Variants in CRACR2A observed in about 807,000 individuals in gnomAD.
CRACR2A encodes EF-hand calcium-binding domain-containing protein 4B.
In CRACR2A, 79 loss-of-function variants were observed where a neutral mutation model predicts 90.5. The observed-to-expected ratio is 0.87, with a 90% CI of 0.73 to 1.05. CRACR2A has a LOEUF of 1.05. Ranked by LOEUF, CRACR2A falls within the 50% of genes least tolerant of loss-of-function variation. The pLI is 0.00. For synonymous variants in CRACR2A, 338 were observed against 356.7 expected, an observed-to-expected ratio of 0.95 and a Z score of 0.59; for missense variants, 823 against 897.2, an observed-to-expected ratio of 0.92 and a Z score of 1.06.
rs1944411733 is a variant in CRACR2A at position 3,633,609 on chromosome 12, G to A, written c.1730C>T (p.Thr577Ile). Reference sequence around the variant, plus strand: ...CCTCAGGGATGAGAACTCACCCACAGTGGCCGCCATGCCTGGGGAGAACCG... The same window carrying A: ...CCTCAGGGATGAGAACTCACCCACAATGGCCGCCATGCCTGGGGAGAACCG... ...EDRFSPGMAA[T>I]VGIDYRVKTL... The change falls in exon 15 of 20, where the codon ACT (threonine) becomes ATT (isoleucine). Residue 577 changes from threonine to isoleucine, a missense_variant. By Grantham distance (89) the Thr-to-Ile change is moderately conservative (BLOSUM62 -1). Transcript: ENST00000440314. This position sits in a 1 kb window ranked among gnomAD's most constrained non-coding sequence, Gnocchi z 4.5. The A allele has an allele frequency of 6.4e-7, 1 of 1,551,690 alleles. No homozygotes were observed. The highest frequency in any genetic ancestry group is 1.2e-5 in the South Asian group (1 of 84,050).
In CRACR2A at chr12:3,656,360, AG is replaced by A; in HGVS notation, c.808del (p.Leu270CysfsTer39). On this transcript the variant is annotated frameshift_variant, in exon 9 of 20. Transcript: ENST00000440314. LOFTEE classifies it high-confidence loss of function. The stretch of plus-strand genomic sequence containing the variant: ...CTCCAGCTCCTGCTCCTTACATAAC[AG>A]TTTCTGCTCCAGCTCTTGACTGCGG... ...QARSQELEQKLLCKEQELEQL... is the reference protein window; with the variant it reads ...QARSQELEQKXLCKEQELEQL... The A allele has an allele frequency of 6.2e-7, 1 of 1,614,044 alleles. No homozygotes were observed. The highest frequency in any genetic ancestry group is 8.5e-7 in the Non-Finnish European group (1 of 1,180,020).
At position 3,696,828 on chromosome 12, in the gene CRACR2A, A is replaced by C. The variant is rs774304397; in HGVS notation, c.172T>G (p.Phe58Val). 5 of 1,613,962 alleles carry C rather than the reference A, an allele frequency of 3.1e-6. No homozygotes were observed. Among genetic ancestry groups the C allele is most frequent in the Non-Finnish European group, 4.2e-6 (5 of 1,179,980 alleles). ...QLVMLRKAQE[F>V]FQTCDAEGKG... Reference sequence around the variant, plus strand: ...CCTTCAGCATCACAGGTCTGAAAGAACTCCTGTGCCTTCCTCAGCATGACT... The same window carrying C: ...CCTTCAGCATCACAGGTCTGAAAGACCTCCTGTGCCTTCCTCAGCATGACT... The change falls in exon 4 of 20, where the codon TTC becomes GTC. Residue 58 changes from phenylalanine to valine, a missense_variant. Transcript: ENST00000440314.
intron 7 of CRACR2A, among the ~76,000 whole-genome samples, chr12:3,667,009 C>T (rs367736242): frequency 2.0e-5 from 3 of 152,144 alleles, no homozygotes; most frequent in East Asian, 1.9e-4. Flanking sequence ...CAGAAATGGC[C>T]CCTGGCCTTG....
intron 15 of CRACR2A, among the ~76,000 whole-genome samples, chr12:3,628,059 T>C (rs1944302670): frequency 3.6e-5 from 4 of 111,442 alleles, no homozygotes; most frequent in Non-Finnish European, 5.6e-5. Flanking sequence ...CTCTCTCTCT[T>C]TCCCTCCCTC....
chr12:3,645,727 A>T (rs1208718913), intron 11 of CRACR2A, among the ~76,000 whole-genome samples: 1 of 152,212 alleles, frequency 6.6e-6, no homozygotes, highest in Admixed American at 6.5e-5. Flanking sequence ...TGGGTTGAGA[A>T]TGTGAAGAAA....
chr12:3,618,639 G>A (rs560024487), intron 18 of CRACR2A, among the ~76,000 whole-genome samples: 15 of 152,260 alleles, frequency 9.9e-5, no homozygotes, highest in Non-Finnish European at 2.9e-5. Context: ...GAATCATGGG[G>A]CTGGTAAGCA....
intron 1 of CRACR2A, among the ~76,000 whole-genome samples, chr12:3,741,293 G>A (rs1039474797): frequency 7.2e-5 from 11 of 152,114 alleles, no homozygotes; most frequent in African/African-American, 2.4e-4. Flanking sequence ...GGAGAGCTCT[G>A]GGCTATGGGG....
chr12:3,746,868 C>A lies in CRACR2A; in HGVS notation c.-387+6147G>T, dbSNP rs189760269. On this transcript the variant is annotated intron_variant, in intron 1 of 19. Transcript: ENST00000440314. This position sits in a 1 kb window ranked among gnomAD's most constrained non-coding sequence, Gnocchi z 4.4. ...AAGGACCAACAAGGGGAGGAGTACA[C>A]CCTTAGCATGGAACTCAACCACAAG... Among the ~76,000 whole-genome samples the A allele has an allele frequency of 6.6e-6, 1 of 152,216 alleles. No individual in the cohort carries two copies. Among genetic ancestry groups the A allele is most frequent in the Admixed American group, 6.5e-5 (1 of 15,284 alleles).
intron 1 of CRACR2A, among the ~76,000 whole-genome samples, chr12:3,742,336 C>T (rs1168080506): frequency 6.6e-6 from 1 of 152,190 alleles, no homozygotes; most frequent in Middle Eastern, 3.2e-3. Flanking sequence ...CTATAGCTCT[C>T]TGGCACCTTC....
chr12:3,640,558 A>G, intron 13 of CRACR2A: 1 of 1,263,038 alleles, frequency 7.9e-7, no homozygotes, highest in Non-Finnish European at 1.0e-6. Flanking sequence ...CAACAGGCCA[A>G]CCACTATTGC....
At chr12:3,725,676 C>T (rs1052229237) in intron 2 of CRACR2A, among the ~76,000 whole-genome samples, 1 of 152,234 alleles carries the variant, frequency 6.6e-6, no homozygotes, top group Non-Finnish European at 1.5e-5. Context: ...ACATCAGATC[C>T]TCTGGGGAGA....
At chr12:3,707,613 A>C (rs560156688) in intron 3 of CRACR2A, among the ~76,000 whole-genome samples, 2 of 152,350 alleles carry the variant, frequency 1.3e-5, no homozygotes, top group South Asian at 4.1e-4. Context: ...GATGTATTTC[A>C]AGGCGTCTGG....
chr12:3,720,464 A>AAAGAAAGAAAGAAAGAAAGCAAGC (rs1478961662), intron 2 of CRACR2A, among the ~76,000 whole-genome samples: 33 of 150,790 alleles, frequency 2.2e-4, no homozygotes, highest in African/African-American at 7.2e-4. Flanking sequence ...AGAAAGAAAG[A>AAAGAAAGAAAGAAAGAAAGCAAGC]AAGCAAAAGA....
At chr12:3,739,763 G>A (rs988383656) in intron 1 of CRACR2A, among the ~76,000 whole-genome samples, 10 of 151,944 alleles carry the variant, frequency 6.6e-5, no homozygotes, top group African/African-American at 2.2e-4. Flanking sequence ...GTGAAACCCC[G>A]TTTCTACTAA....
Position 3,713,156 on chromosome 12 carries a change from A to G in CRACR2A, c.-37+81T>C, listed in dbSNP as rs1358334670. The G allele has an allele frequency of 4.8e-6, 3 of 626,440 alleles. No homozygotes were observed. The African/African-American group carries it at 6.0e-5, about 12-fold the overall frequency. The allele number at this position is 626,440 out of a possible 1,614,324, so 38.8% of individuals were successfully genotyped here. ...AAAAAACAGCTACAATAGTGCTAACAAGGCAGGGCCTGAAGTTGGGGTCTG... is the reference window on the plus strand; with the variant it reads ...AAAAAACAGCTACAATAGTGCTAACGAGGCAGGGCCTGAAGTTGGGGTCTG... On this transcript the variant is annotated intron_variant, in intron 3 of 19. Coordinates refer to ENST00000440314, the MANE Select transcript of CRACR2A (RefSeq NM_001144958.2).
At chr12:3,642,832 G>A (rs1944598290) in intron 12 of CRACR2A, among the ~76,000 whole-genome samples, 1 of 152,296 alleles carries the variant, frequency 6.6e-6, no homozygotes, top group East Asian at 1.9e-4. Flanking sequence ...GGGGGAGTTA[G>A]ACTGCAGGAA....
At chr12:3,648,234 A>T (rs1591654249) in intron 11 of CRACR2A, 1 of 1,253,664 alleles carries the variant, frequency 8.0e-7, no homozygotes, top group Non-Finnish European at 1.0e-6. Context: ...TTAAATGCTC[A>T]TTAAACCCAG....
chr12:3,673,404 T>C, intron 7 of CRACR2A, 42 bp downstream of exon 7: 1 of 1,581,674 alleles, frequency 6.3e-7, no homozygotes, highest in South Asian at 1.2e-5. Context: ...TCTCTCTTTT[T>C]CACACATAGT....
intron 6 of CRACR2A, among the ~76,000 whole-genome samples, chr12:3,676,889 A>G (rs1252789689): frequency 6.6e-6 from 1 of 152,220 alleles, no homozygotes; most frequent in Non-Finnish European, 1.5e-5. Context: ...TCAAGTCCCC[A>G]GTGAGATTTG....
Sources: gnomAD v4.1 joint callset for allele counts (sites outside exome capture counted in the v4.1 genomes callset) on GRCh38, gnomAD v4.1.1 for gene constraint, Gnocchi (gnomAD v3.1) non-coding constraint, MANE v1.5 for transcripts, NCBI Gene and HGNC (gene_info 2026-07-23, HGNC 2026-07-21) for gene names.